Variants in EYS observed in about 807,000 individuals in gnomAD.
The protein encoded by EYS is protein eyes shut homolog.
A neutral mutation model predicts 282.1 loss-of-function variants in EYS; 250 were observed. The observed-to-expected ratio is 0.89, with a 90% CI of 0.80 to 0.98. The LOEUF is 0.98. Among genes scored for constraint, EYS ranks in the 50% least tolerant of loss-of-function variants. The pLI is 0.00. For missense variants in EYS, 4,016 were observed against 3,709.0 expected, an observed-to-expected ratio of 1.08 and a Z score of -2.15; for synonymous variants, 1,355 against 1,282.9, an observed-to-expected ratio of 1.06 and a Z score of -1.20.
chr6:64,484,327 G>T (rs1233176753), intron 26 of EYS, among the ~76,000 whole-genome samples: 1 of 151,494 alleles, frequency 6.6e-6, no homozygotes, highest in Non-Finnish European at 1.5e-5. Context: ...ATGGGGTTCT[G>T]CAGAGACTGC....
intron 41 of EYS, among the ~76,000 whole-genome samples, chr6:63,734,271 A>C (rs1178391192): frequency 6.6e-6 from 1 of 152,154 alleles, no homozygotes; most frequent in Non-Finnish European, 1.5e-5. Context: ...CTGAATCTAA[A>C]ATAAAAGTTG....
rs144755843 is a variant in EYS, at chr6:64,115,301, G to T, written c.6425-33299C>A. On this transcript the variant is annotated intron_variant, in intron 31 of 42. Transcript: ENST00000503581. ...AATGCCACCATTGCCCTGAACCCTG[G>T]AACTGTAGTCATTGTGTGTCACTTG... Among the ~76,000 whole-genome samples, 385 of 152,192 alleles carry T rather than the reference G, an allele frequency of 2.5e-3. 1 individual carries two copies. The highest frequency in any genetic ancestry group is 8.9e-3 in the African/African-American group (368 of 41,522).
intron 28 of EYS, chr6:64,400,252 T>C (rs1773501368): frequency 6.6e-6 from 1 of 152,040 alleles, no homozygotes; most frequent in South Asian, 2.1e-4. Flanking sequence ...TTTTCACCTT[T>C]GGATAAGTAT....
intron 6 of EYS, among the ~76,000 whole-genome samples, chr6:65,404,907 T>G (rs946077180): frequency 1.3e-5 from 2 of 151,766 alleles, no homozygotes; most frequent in African/African-American, 4.8e-5. Context: ...AAAACAATAT[T>G]GAATAACTAA....
rs533894765 is a variant in EYS at position 64,204,256 on chromosome 6, G to T, written c.6424+26336C>A. Among the ~76,000 whole-genome samples, 5 of 152,196 alleles carry T rather than the reference G, an allele frequency of 3.3e-5. No homozygotes were observed. The South Asian group carries it at 1.0e-3, about 32-fold the overall frequency. On this transcript the variant is annotated intron_variant, in intron 31 of 42. Transcript: ENST00000503581. ...TCAAAGCAATGTTCTTCAAATATCT[G>T]ATTTTATTTTAAAAGCAAAAGCACT...
At chr6:64,715,292 T>C (rs1771351780) in intron 22 of EYS, among the ~76,000 whole-genome samples, 2 of 36,308 alleles carry the variant, frequency 5.5e-5, no homozygotes, top group South Asian at 2.3e-3. Flanking sequence ...TGAAGTGTGT[T>C]GCTTACGTCC....
chr6:63,778,125 C>G lies in EYS; in HGVS notation c.7779G>C (p.Leu2593=), dbSNP rs1582197516. The change falls in exon 40 of 43, where the codon CTG becomes CTC. Residue 2593 remains leucine, a synonymous_variant. Coordinates refer to ENST00000503581, the MANE Select transcript of EYS (RefSeq NM_001142800.2). ...RTEKDGHFRG[L]GNPEGHPNAG... is the part of the protein sequence containing the mutation. The stretch of plus-strand genomic sequence containing the variant: ...CATTTGGGTGGCCCTCAGGATTTCC[C>G]AGTCCTCTGAAATGGCCATCCTTCT... The G allele has an allele frequency of 6.4e-7, 1 of 1,551,830 alleles. No individual in the cohort carries two copies. Among genetic ancestry groups the G allele is most frequent in the Non-Finnish European group, 8.7e-7 (1 of 1,146,970 alleles).
rs1426003078 is a variant in EYS at position 63,735,014 on chromosome 6, G to A, written c.8072-8334C>T. Among the ~76,000 whole-genome samples, 3 of 152,026 alleles carry A rather than the reference G, an allele frequency of 2.0e-5. No homozygotes were observed. In the East Asian group the frequency reaches 5.8e-4, roughly 29 times the overall value. ...TGCTAAATACTGGGCCATAAAACAA[G>A]CCTCAAAAATACAAAAGAATTGATA... On this transcript the variant is annotated intron_variant, in intron 41 of 42. Transcript: ENST00000503581.
chr6:64,850,880 C>T (rs1266670738), intron 19 of EYS, among the ~76,000 whole-genome samples: 2 of 151,998 alleles, frequency 1.3e-5, no homozygotes, highest in African/African-American at 4.8e-5. Context: ...TGACAACCAA[C>T]ATAATTTTAT....
intron 12 of EYS, among the ~76,000 whole-genome samples, chr6:65,230,151 T>C (rs978491730): frequency 6.6e-6 from 1 of 151,878 alleles, no homozygotes; most frequent in Admixed American, 6.6e-5. Context: ...CAACTGTTCT[T>C]CTAATAACAC....
In EYS at chr6:65,211,272, A is replaced by G. The variant is rs79879298; in HGVS notation, c.2023+84591T>C. Among the ~76,000 whole-genome samples the G allele has an allele frequency of 3.4e-3, 512 of 152,178 alleles. 1 individual carries two copies. The highest frequency in any genetic ancestry group is 5.7e-3 in the Non-Finnish European group (385 of 67,948). ...GTTGGTGCTGCTGATACCTTTAAGC[A>G]TCTCTATTATTTTCATATTCTAACA... On this transcript the variant is annotated intron_variant, in intron 12 of 42. Coordinates refer to ENST00000503581, the MANE Select transcript of EYS (RefSeq NM_001142800.2).
Position 64,758,473 on chromosome 6 carries a change from T to C in EYS, c.3443+54905A>G, listed in dbSNP as rs145814775. 3.5e-3 allele frequency among the ~76,000 whole-genome samples: 528 copies of C among 152,208 alleles called. 1 individual carries two copies. The highest frequency in any genetic ancestry group is 0.012 in the African/African-American group (497 of 41,528). The stretch of plus-strand genomic sequence containing the variant: ...TTAGAGACATGACTAGACTCAACTC[T>C]ACAAAGGAAAGAGTTTACGACAATC... On this transcript the variant is annotated intron_variant, in intron 22 of 42. Coordinates refer to ENST00000503581, the MANE Select transcript of EYS (RefSeq NM_001142800.2).
intron 31 of EYS, among the ~76,000 whole-genome samples, chr6:64,107,723 A>T (rs957570750): frequency 3.3e-5 from 5 of 151,944 alleles, no homozygotes; most frequent in African/African-American, 1.2e-4. Context: ...TATTCCTCAT[A>T]TTTTTTTGTT....
In EYS at chr6:64,234,029, T is replaced by C. The variant is rs143688880; in HGVS notation, c.6192-3205A>G. On this transcript the variant is annotated intron_variant, in intron 30 of 42. Transcript: ENST00000503581. ...AAGGAAGAGTGGGCTCACACAGATA[T>C]GTGCCTACGAACCTGGCTTCTCAAG... 2.7e-3 allele frequency among the ~76,000 whole-genome samples: 417 copies of C among 152,318 alleles called. 1 individual carries two copies. Among genetic ancestry groups the C allele is most frequent in the Non-Finnish European group, 4.4e-3 (301 of 68,032 alleles).
intron 35 of EYS, among the ~76,000 whole-genome samples, chr6:63,976,382 T>C (rs1766839142): frequency 6.6e-6 from 1 of 152,088 alleles, no homozygotes; most frequent in African/African-American, 2.4e-5. Flanking sequence ...ATCTGTTTTG[T>C]CTGTTGTTGA....
chr6:64,697,184 A>G (rs924552449), intron 22 of EYS, among the ~76,000 whole-genome samples: 7 of 152,186 alleles, frequency 4.6e-5, no homozygotes, highest in African/African-American at 1.4e-4. Context: ...TGGTAACAGT[A>G]TTTATAAATT....
At chr6:64,748,411 A>G (rs1360280954) in intron 22 of EYS, among the ~76,000 whole-genome samples, 12 of 152,180 alleles carry the variant, frequency 7.9e-5, no homozygotes, top group Admixed American at 7.9e-4. Flanking sequence ...AGATTCTCAT[A>G]AGGAGCTGCA....
chr6:64,166,408 G>A (rs1257494901), intron 31 of EYS, among the ~76,000 whole-genome samples: 1 of 152,112 alleles, frequency 6.6e-6, no homozygotes. Flanking sequence ...TATGTCCCTC[G>A]CAGCAGTCAC....
intron 30 of EYS, among the ~76,000 whole-genome samples, chr6:64,281,137 TGGACAC>T (rs1768293784): frequency 2.0e-5 from 3 of 152,138 alleles, no homozygotes; most frequent in Non-Finnish European, 2.9e-5. Context: ...ACTTAATGCC[TGGACAC>T]TGCAATCCTT....
Sources: allele counts gnomAD v4.1 joint callset (sites outside exome capture counted in the v4.1 genomes callset), GRCh38; gene constraint gnomAD v4.1.1; transcripts MANE v1.5; gene names NCBI Gene and HGNC (gene_info 2026-07-23, HGNC 2026-07-21).